The following STAMBPL1 variants were observed in gnomAD, a reference collection of about 807,000 sequenced individuals.
STAMBPL1 encodes the protein AMSH-like protease.
A neutral mutation model predicts 52.9 loss-of-function variants in STAMBPL1; 44 were observed. The ratio of observed to expected loss-of-function variants is 0.83; its 90% CI spans 0.65 to 1.07. The LOEUF is 1.07. Ranked by LOEUF, STAMBPL1 falls within the 50% of genes least tolerant of loss-of-function variation. The pLI is 0.00. For missense variants in STAMBPL1, 511 were observed against 520.8 expected, an observed-to-expected ratio of 0.98 and a Z score of 0.18; for synonymous variants, 164 against 177.3, an observed-to-expected ratio of 0.92 and a Z score of 0.60.
intron 1 of STAMBPL1, among the ~76,000 whole-genome samples, chr10:88,898,026 C>T (rs1844854808): frequency 6.6e-6 from 1 of 152,094 alleles, no homozygotes; most frequent in Admixed American, 6.6e-5. Context: ...TCCTGGCCCA[C>T]TTTATTTCTG....
chr10:88,903,366 A>G (rs1302466837), intron 2 of STAMBPL1, among the ~76,000 whole-genome samples: 1 of 152,240 alleles, frequency 6.6e-6, no homozygotes, highest in Non-Finnish European at 1.5e-5. Context: ...TTTATTTGAT[A>G]TACCTATTAA....
At chr10:88,909,872 A>G (rs551061981) in intron 4 of STAMBPL1, among the ~76,000 whole-genome samples, 92 of 152,234 alleles carry the variant, frequency 6.0e-4, no homozygotes, top group African/African-American at 2.1e-3. Flanking sequence ...AAGTGTTAGG[A>G]TTACAGGTGT....
intron 1 of STAMBPL1, among the ~76,000 whole-genome samples, chr10:88,893,213 A>C (rs948430257): frequency 2.0e-5 from 3 of 152,236 alleles, no homozygotes; most frequent in African/African-American, 7.2e-5. Context: ...TCATTTGCCA[A>C]GTGTTTTATA....
At chr10:88,910,756 T>G (rs1197157746) in intron 4 of STAMBPL1, among the ~76,000 whole-genome samples, 160 bp from the exon 5 acceptor site, 1 of 152,190 alleles carries the variant, frequency 6.6e-6, no homozygotes, top group Non-Finnish European at 1.5e-5. Flanking sequence ...AAAGTTATAT[T>G]TTGGACCCAT....
intron 1 of STAMBPL1, among the ~76,000 whole-genome samples, chr10:88,893,174 A>G (rs1350129647): frequency 1.3e-5 from 2 of 152,210 alleles, no homozygotes; most frequent in Non-Finnish European, 2.9e-5. Flanking sequence ...TCTGTGTACA[A>G]ATATGAATCT....
At chr10:88,885,496 T>G (rs953693938) in intron 1 of STAMBPL1, among the ~76,000 whole-genome samples, 1 of 152,232 alleles carries the variant, frequency 6.6e-6, no homozygotes, top group Admixed American at 6.5e-5. Flanking sequence ...ACAATACTTA[T>G]GTCTCTCCTT....
At chr10:88,887,711 G>A (rs564629314) in intron 1 of STAMBPL1, among the ~76,000 whole-genome samples, 16 of 152,010 alleles carry the variant, frequency 1.1e-4, no homozygotes, top group Non-Finnish European at 2.1e-4. Context: ...TGGTAGAGAC[G>A]AGGTTTCACC....
intron 3 of STAMBPL1, among the ~76,000 whole-genome samples, chr10:88,907,162 A>G (rs1167979960): frequency 6.6e-6 from 1 of 152,240 alleles, no homozygotes; most frequent in Non-Finnish European, 1.5e-5. Context: ...CACATATAAT[A>G]TCACTAGCTT....
chr10:88,914,555 G>T lies in STAMBPL1; in HGVS notation c.800G>T (p.Arg267Leu), dbSNP rs200651856. The change falls in exon 7 of 11, where the codon CGA becomes CTA. Residue 267 changes from arginine (R) to leucine (L), a missense_variant. Coordinates refer to ENST00000371926, the MANE Select transcript of STAMBPL1 (RefSeq NM_020799.4). ...TTAGATTTAGTGGTTGAAGGACTGCGATGTGTAGTTTTGCCAGAAGATCTT... is the reference window on the plus strand; with the variant it reads ...TTAGATTTAGTGGTTGAAGGACTGCTATGTGTAGTTTTGCCAGAAGATCTT... Reference protein sequence around the residue: ...AVQNLVVEGLRCVVLPEDLCH... With the variant: ...AVQNLVVEGLLCVVLPEDLCH... 7.2e-6 allele frequency: 11 copies of T among 1,536,824 alleles called. No homozygotes were observed. Among genetic ancestry groups the T allele is most frequent in the Non-Finnish European group, 5.3e-6 (6 of 1,139,876 alleles).
chr10:88,922,074 C>T (rs900489431), intron 9 of STAMBPL1, among the ~76,000 whole-genome samples: 1 of 152,154 alleles, frequency 6.6e-6, no homozygotes, highest in Admixed American at 6.5e-5. Flanking sequence ...GGGCTTTGGC[C>T]TTTCCTCTGG....
At chr10:88,891,445 G>A (rs1589352978) in intron 1 of STAMBPL1, among the ~76,000 whole-genome samples, 1 of 151,838 alleles carries the variant, frequency 6.6e-6, no homozygotes, top group Admixed American at 6.6e-5. Flanking sequence ...ATTGTCTCAG[G>A]GAAAAAAATC....
At chr10:88,902,852 A>T (rs1370626613) in intron 2 of STAMBPL1, among the ~76,000 whole-genome samples, 1 of 152,180 alleles carries the variant, frequency 6.6e-6, no homozygotes, top group African/African-American at 2.4e-5. Context: ...TACAGGTGTG[A>T]GCCACCGCAC....
chr10:88,888,374 A>ACCT (rs1844592031), intron 1 of STAMBPL1, among the ~76,000 whole-genome samples: 1 of 152,164 alleles, frequency 6.6e-6, no homozygotes, highest in African/African-American at 2.4e-5. Flanking sequence ...GACACACAGT[A>ACCT]CCTTGTCCAG....
intron 1 of STAMBPL1, among the ~76,000 whole-genome samples, chr10:88,892,927 T>A (rs1240704943): frequency 6.6e-6 from 1 of 152,250 alleles, no homozygotes; most frequent in Non-Finnish European, 1.5e-5. Flanking sequence ...AGGAAAATGA[T>A]GCTATTTCAA....
chr10:88,901,859 C>A lies in STAMBPL1; in HGVS notation c.30+121C>A. On this transcript the variant is annotated intron_variant, in intron 2 of 10. Transcript: ENST00000371926. ...AAGTTTAGCACTTGTAGTTTTTCATCCATCTGTGTGGTTGTCTTCTTTGAG... is the reference window on the plus strand; with the variant it reads ...AAGTTTAGCACTTGTAGTTTTTCATACATCTGTGTGGTTGTCTTCTTTGAG... The A allele has an allele frequency of 3.2e-6, 3 of 928,086 alleles. No individual in the cohort carries two copies. In the South Asian group the frequency reaches 5.0e-5, roughly 15 times the overall value. 57.5% of individuals were successfully genotyped at this position (928,086 alleles called of 1,614,324 possible). A position where few individuals can be genotyped will look rare whatever the true frequency, so the allele number is the denominator to read the frequency against.
chr10:88,904,365 T>C (rs544858021), intron 2 of STAMBPL1, among the ~76,000 whole-genome samples: 64 of 152,322 alleles, frequency 4.2e-4, no homozygotes, highest in African/African-American at 1.5e-3. Flanking sequence ...GGAATTTGCA[T>C]TTGTAAGAAA....
intron 1 of STAMBPL1, among the ~76,000 whole-genome samples, chr10:88,897,920 T>G (rs1315195352): frequency 6.6e-6 from 1 of 152,242 alleles, no homozygotes; most frequent in Admixed American, 6.5e-5. Context: ...TACCTCTTAC[T>G]GTACCCTCAG....
rs1260610237 is a variant in STAMBPL1, at chr10:88,908,795, C to T, written c.324+18C>T. 1 of 1,587,254 alleles carries T rather than the reference C, an allele frequency of 6.3e-7. No individual in the cohort carries two copies. The highest frequency in any genetic ancestry group is 2.3e-5 in the East Asian group (1 of 43,916). The stretch of plus-strand genomic sequence containing the variant: ...TTATGAAGGTATTGTGGGTTTTCTT[C>T]TCCACTGTGGAATCAAATGCTCCAT... On this transcript the variant is annotated intron_variant, in intron 4 of 10. Transcript: ENST00000371926.
intron 4 of STAMBPL1, among the ~76,000 whole-genome samples, chr10:88,909,761 C>T (rs1845169343): frequency 6.6e-6 from 1 of 152,084 alleles, no homozygotes; most frequent in Admixed American, 6.6e-5. Flanking sequence ...CCACCATGCC[C>T]AGCTAATTTT....
Sources: allele counts gnomAD v4.1 joint callset (sites outside exome capture counted in the v4.1 genomes callset), GRCh38; gene constraint gnomAD v4.1.1; transcripts MANE v1.5; gene names NCBI Gene and HGNC (gene_info 2026-07-23, HGNC 2026-07-21).